Variants in GGACT observed in about 807,000 individuals in gnomAD.
GGACT encodes the protein gamma-glutamylaminecyclotransferase.
For missense variants in GGACT, 241 were observed against 233.2 expected, an observed-to-expected ratio of 1.03 and a Z score of -0.22; for synonymous variants, 118 against 115.3, an observed-to-expected ratio of 1.02 and a Z score of -0.15.
intron 2 of GGACT, among the ~76,000 whole-genome samples, chr13:100,583,404 A>T (rs1041843666): frequency 3.9e-5 from 6 of 152,240 alleles, no homozygotes; most frequent in Non-Finnish European, 8.8e-5. Flanking sequence ...AGTACGTATG[A>T]CAAAAGATTA....
chr13:100,552,269 C>T (rs915580335), intron 2 of GGACT, among the ~76,000 whole-genome samples: 8 of 152,182 alleles, frequency 5.3e-5, no homozygotes, highest in African/African-American at 1.7e-4. Context: ...AGCCCCGTGA[C>T]GAGGCAGGTG....
At chr13:100,576,529 C>G (rs745871306) in intron 2 of GGACT, among the ~76,000 whole-genome samples, 2 of 152,182 alleles carry the variant, frequency 1.3e-5, no homozygotes, top group Non-Finnish European at 2.9e-5. Context: ...TCACCAAAAA[C>G]TGTAAATAAT....
intron 2 of GGACT, among the ~76,000 whole-genome samples, chr13:100,551,526 C>T (rs1000258175): frequency 5.9e-5 from 9 of 152,166 alleles, no homozygotes. Flanking sequence ...CTCCTGGGGG[C>T]CATGCTTCAG....
intron 2 of GGACT, chr13:100,535,868 T>C (rs539341232): frequency 6.6e-6 from 1 of 152,144 alleles, no homozygotes; most frequent in South Asian, 2.1e-4. Flanking sequence ...TCTGAGAGCA[T>C]GGCCAGAACC....
Position 100,534,120 on chromosome 13 carries a change from CAA to C in GGACT, c.-10-1521_-10-1520del, listed in dbSNP as rs1421007656. 6.6e-6 allele frequency among the ~76,000 whole-genome samples: 1 copy of C among 152,220 alleles called. No individual in the cohort carries two copies. The highest frequency in any genetic ancestry group is 1.5e-5 in the Non-Finnish European group (1 of 68,046). ...GGACTTCTGTTTTCTTCTCAGCAAA[CAA>C]GAGCTGCTCTGGGGGGTTCTAGGCC... On this transcript the variant is annotated intron_variant, in intron 2 of 2. Transcript: ENST00000683975. This position sits in a 1 kb window ranked among gnomAD's most constrained non-coding sequence, Gnocchi z 4.9.
At chr13:100,578,424 A>G (rs1280184051) in intron 2 of GGACT, among the ~76,000 whole-genome samples, 1 of 152,228 alleles carries the variant, frequency 6.6e-6, no homozygotes, top group African/African-American at 2.4e-5. Flanking sequence ...GAGGCTCGAG[A>G]AAACCAGTGA....
chr13:100,569,597 G>A (rs1003154437), intron 2 of GGACT, among the ~76,000 whole-genome samples: 3 of 152,244 alleles, frequency 2.0e-5, no homozygotes, highest in African/African-American at 7.2e-5. Context: ...AGGGGCTGCT[G>A]AGAATGTCTC....
intron 2 of GGACT, among the ~76,000 whole-genome samples, chr13:100,543,348 T>C (rs1227736815): frequency 6.6e-6 from 1 of 151,656 alleles, no homozygotes; most frequent in African/African-American, 2.4e-5. Flanking sequence ...GCTGGGACTA[T>C]AGGTGCCCAC....
chr13:100,542,007 T>C (rs1413048276), intron 2 of GGACT, among the ~76,000 whole-genome samples: 1 of 152,218 alleles, frequency 6.6e-6, no homozygotes, highest in Non-Finnish European at 1.5e-5. Flanking sequence ...ACCTTTCTGA[T>C]TGTGTTTTGA....
chr13:100,553,865 G>T (rs1008424345), intron 2 of GGACT, among the ~76,000 whole-genome samples: 1 of 143,540 alleles, frequency 7.0e-6, no homozygotes, highest in Non-Finnish European at 1.5e-5. Context: ...AAAAAAGGTA[G>T]TAACAGCCAA....
At chr13:100,546,997 C>A (rs539970076) in intron 2 of GGACT, among the ~76,000 whole-genome samples, 1 of 152,362 alleles carries the variant, frequency 6.6e-6, no homozygotes, top group South Asian at 2.1e-4. Flanking sequence ...TCCCACTCAG[C>A]CCAGATTCCC....
Position 100,530,631 on chromosome 13 carries a change from C to T in GGACT, c.*1499G>A. ...TTACTACTTCTAGAAGTGAGGCCCT[C>T]ACTCCTGGTGCTGATTTTCAAAACT... On this transcript the variant is annotated 3_prime_UTR_variant, in exon 3 of 3. Transcript: ENST00000683975. 1 of 256,812 alleles carries T rather than the reference C, an allele frequency of 3.9e-6. No individual in the cohort carries two copies. The highest frequency in any genetic ancestry group is 4.4e-5 in the South Asian group (1 of 22,558). The allele number at this position is 256,812 out of a possible 1,614,324, so 15.9% of individuals were successfully genotyped here.
rs781250528 is a variant in GGACT, at chr13:100,534,298, C to T, written c.-10-1697G>A. The stretch of plus-strand genomic sequence containing the variant: ...TAGCCAGATACGTGCGCCCTGTGGG[C>T]CTGGCCATGTGATAGCCCTGGGACA... On this transcript the variant is annotated intron_variant, in intron 2 of 2. Coordinates refer to ENST00000683975, the MANE Select transcript of GGACT (RefSeq NM_001195087.2). The surrounding 1 kb of genome is among the most constrained non-coding windows in gnomAD (Gnocchi z 4.9). 2.0e-5 allele frequency among the ~76,000 whole-genome samples: 3 copies of T among 152,216 alleles called. No individual in the cohort carries two copies. Among genetic ancestry groups the T allele is most frequent in the Non-Finnish European group, 4.4e-5 (3 of 68,034 alleles).
intron 2 of GGACT, among the ~76,000 whole-genome samples, chr13:100,574,492 A>G (rs1875192284): frequency 6.6e-6 from 1 of 152,132 alleles, no homozygotes; most frequent in African/African-American, 2.4e-5. Flanking sequence ...AGAAGAATCG[A>G]TTGAACCTGG....
Position 100,570,301 on chromosome 13 carries a change from C to T in GGACT, c.-11+13524G>A, listed in dbSNP as rs1471496934. On this transcript the variant is annotated intron_variant, in intron 2 of 2. Transcript: ENST00000683975. Reference sequence around the variant, plus strand: ...AATTTATAAAAGGAAGAGGTTTAATCGACTCGTGTTCAGCATAGCTGAGGA... The same window carrying T: ...AATTTATAAAAGGAAGAGGTTTAATTGACTCGTGTTCAGCATAGCTGAGGA... Among the ~76,000 whole-genome samples, 13 of 152,124 alleles carry T rather than the reference C, an allele frequency of 8.5e-5. No homozygotes were observed. In the South Asian group the frequency reaches 1.2e-3, roughly 15 times the overall value.
intron 1 of GGACT, chr13:100,586,583 T>G (rs1239700374): frequency 6.6e-6 from 1 of 150,682 alleles, no homozygotes; most frequent in East Asian, 2.0e-4. Flanking sequence ...TTTTTGCTCA[T>G]GGTGTTGGCC....
chr13:100,546,234 C>T (rs1436604696), intron 2 of GGACT, among the ~76,000 whole-genome samples: 2 of 151,726 alleles, frequency 1.3e-5, no homozygotes, highest in African/African-American at 4.8e-5. Context: ...TGGTGGCGGG[C>T]GCCTATAGTC....
At chr13:100,554,142 G>A (rs776498830) in intron 2 of GGACT, among the ~76,000 whole-genome samples, 8 of 152,306 alleles carry the variant, frequency 5.3e-5, no homozygotes, top group African/African-American at 7.2e-5. Context: ...GACATTGCCT[G>A]GCCTGAACTG....
intron 2 of GGACT, among the ~76,000 whole-genome samples, chr13:100,571,299 C>A (rs1046210235): frequency 6.6e-6 from 1 of 152,176 alleles, no homozygotes. Context: ...CAAACTGATG[C>A]TGTGTCTTCG....
Sources: gnomAD v4.1 joint callset for allele counts (sites outside exome capture counted in the v4.1 genomes callset) on GRCh38, gnomAD v4.1.1 for gene constraint, Gnocchi (gnomAD v3.1) non-coding constraint, MANE v1.5 for transcripts, NCBI Gene and HGNC (gene_info 2026-07-23, HGNC 2026-07-21) for gene names.